MPP7: variants seen among roughly 807,000 people sequenced by gnomAD.
MPP7 encodes the protein MAGUK p55 scaffold protein 7.
Under a neutral mutation model 76.5 loss-of-function variants are expected in MPP7, and 60 were observed. The ratio of observed to expected loss-of-function variants is 0.78; its 90% confidence interval spans 0.64 to 0.97. MPP7 has a LOEUF of 0.97. Among genes scored for constraint, MPP7 ranks in the 50% least tolerant of loss-of-function variants. The probability of loss-of-function intolerance (pLI) is 0.00; values close to 1 mark genes in which losing one functional copy is unlikely to be tolerated. For missense variants in MPP7, 641 were observed against 694.0 expected, an observed-to-expected ratio of 0.92 and a Z score of 0.86; for synonymous variants, 237 against 244.5, an observed-to-expected ratio of 0.97 and a Z score of 0.29.
At chr10:28,241,143 A>G (rs1411262721) in intron 1 of MPP7, among the ~76,000 whole-genome samples, 2 of 152,306 alleles carry the variant, frequency 1.3e-5, no homozygotes, top group East Asian at 1.9e-4. Flanking sequence ...ACATATGCTT[A>G]TATCAATTAG....
At chr10:28,223,797 T>G (rs555178133) in intron 2 of MPP7, among the ~76,000 whole-genome samples, 2 of 151,694 alleles carry the variant, frequency 1.3e-5, no homozygotes, top group East Asian at 3.9e-4. Flanking sequence ...TAAACTGAAA[T>G]GTATAATATT....
chr10:28,249,732 G>A (rs569679383), intron 1 of MPP7, among the ~76,000 whole-genome samples: 3 of 152,216 alleles, frequency 2.0e-5, no homozygotes, highest in South Asian at 2.1e-4. Context: ...TGCTGGCTGC[G>A]TGCCTTTCTC....
intron 1 of MPP7, among the ~76,000 whole-genome samples, chr10:28,270,053 C>G (rs1281982988): frequency 1.3e-5 from 2 of 152,178 alleles, no homozygotes; most frequent in Non-Finnish European, 2.9e-5. Flanking sequence ...TATCCCCAAA[C>G]CACAGGATTC....
At chr10:28,164,381 C>A (rs1588872254) in intron 3 of MPP7, among the ~76,000 whole-genome samples, 1 of 152,044 alleles carries the variant, frequency 6.6e-6, no homozygotes, top group East Asian at 1.9e-4. Flanking sequence ...TGAAATAGCA[C>A]CTCTTCACAC....
chr10:28,236,805 G>A (rs976406932), intron 2 of MPP7: 2 of 152,174 alleles, frequency 1.3e-5, no homozygotes, highest in South Asian at 2.1e-4. Context: ...ATGGGACGAC[G>A]TCAGCGACAC....
At chr10:28,227,624 T>C (rs1238701677) in intron 2 of MPP7, among the ~76,000 whole-genome samples, 1 of 152,200 alleles carries the variant, frequency 6.6e-6, no homozygotes, top group African/African-American at 2.4e-5. Flanking sequence ...GCTCCAACCA[T>C]GTCCCTGCAA....
At chr10:28,192,961 G>A (rs1383692448) in intron 3 of MPP7, among the ~76,000 whole-genome samples, 1 of 152,156 alleles carries the variant, frequency 6.6e-6, no homozygotes, top group African/African-American at 2.4e-5. Context: ...TAGACCCACA[G>A]ATATAGAAGC....
At chr10:28,311,846 G>A (rs1218343995) in intron 2 of MPP7, among the ~76,000 whole-genome samples, 1 of 151,958 alleles carries the variant, frequency 6.6e-6, no homozygotes, top group Non-Finnish European at 1.5e-5. Flanking sequence ...TGTCTAGAAA[G>A]CTTTAAGTTG....
intron 1 of MPP7, among the ~76,000 whole-genome samples, chr10:28,290,340 G>A (rs1840887575): frequency 6.7e-6 from 1 of 148,484 alleles, no homozygotes. Flanking sequence ...TACTAAACTG[G>A]AGGAAAGAGT....
At chr10:28,153,185 C>A (rs755629762) in intron 3 of MPP7, among the ~76,000 whole-genome samples, 1 of 150,394 alleles carries the variant, frequency 6.6e-6, no homozygotes, top group Non-Finnish European at 1.5e-5. Context: ...ACCCGGAAGG[C>A]GGAGGTTGCA....
At chr10:28,256,818 C>A (rs1410214445) in intron 1 of MPP7, among the ~76,000 whole-genome samples, 4 of 152,198 alleles carry the variant, frequency 2.6e-5, no homozygotes, top group Admixed American at 2.6e-4. Context: ...ATATGAGAAT[C>A]TGTGTGTCTT....
At chr10:28,210,631 T>G (rs1838102113) in intron 2 of MPP7, among the ~76,000 whole-genome samples, 1 of 152,210 alleles carries the variant, frequency 6.6e-6, no homozygotes, top group Admixed American at 6.5e-5. Flanking sequence ...TTAAAGGAAC[T>G]AATTGCAAAG....
In MPP7 at chr10:28,279,326, C is replaced by T. The variant is rs1011482576; in HGVS notation, c.-132+23535G>A. ...CTTTCCAAGTCCTTCCTCAAGTCAC[C>T]GATAGAGACGTTCTGCAGGTTAGTG... On this transcript the variant is annotated intron_variant, in intron 1 of 16. Transcript: ENST00000683449. Among the ~76,000 whole-genome samples the T allele has an allele frequency of 3.9e-5, 6 of 152,150 alleles. No individual in the cohort carries two copies. The South Asian group carries it at 6.2e-4, about 16-fold the overall frequency.
chr10:28,260,030 T>C (rs755051711), intron 1 of MPP7, among the ~76,000 whole-genome samples: 74 of 152,114 alleles, frequency 4.9e-4, no homozygotes, highest in Non-Finnish European at 9.9e-4. Context: ...CAAAAACTCT[T>C]CATTAGAATA....
intron 1 of MPP7, among the ~76,000 whole-genome samples, chr10:28,249,783 G>A (rs755108519): frequency 2.0e-5 from 3 of 152,090 alleles, no homozygotes; most frequent in Admixed American, 6.5e-5. Context: ...TATGATAAGA[G>A]AGCCTGCACC....
At chr10:28,122,743 T>A (rs1295910199) in intron 8 of MPP7, among the ~76,000 whole-genome samples, 1 of 152,160 alleles carries the variant, frequency 6.6e-6, no homozygotes, top group African/African-American at 2.4e-5. Context: ...CATCTCTATA[T>A]ATTTTGAAAC....
intron 2 of MPP7, among the ~76,000 whole-genome samples, chr10:28,310,970 T>C (rs1841286503): frequency 6.6e-6 from 1 of 151,774 alleles, no homozygotes; most frequent in Non-Finnish European, 1.5e-5. Flanking sequence ...ACAGGTTTGA[T>C]CTTGCTTATA....
intron 12 of MPP7, among the ~76,000 whole-genome samples, chr10:28,079,217 A>C (rs1427843596): frequency 6.6e-6 from 1 of 152,232 alleles, no homozygotes; most frequent in East Asian, 1.9e-4. Context: ...AACAAAAAGT[A>C]TATTTTGATT....
intron 13 of MPP7, among the ~76,000 whole-genome samples, chr10:28,061,948 A>G (rs1851803466): frequency 6.6e-6 from 1 of 152,028 alleles, no homozygotes; most frequent in Non-Finnish European, 1.5e-5. Context: ...CAAAATAAAG[A>G]CCTCCTCAGA....
Sources: allele counts gnomAD v4.1 joint callset (sites outside exome capture counted in the v4.1 genomes callset), GRCh38; gene constraint gnomAD v4.1.1; transcripts MANE v1.5; gene names NCBI Gene and HGNC (gene_info 2026-07-23, HGNC 2026-07-21).